Variants in GRID1 observed in about 807,000 individuals in gnomAD.
GRID1 encodes glutamate ionotropic receptor delta type subunit 1.
Under a neutral mutation model 98.0 loss-of-function variants are expected in GRID1, and 28 were observed. The observed-to-expected ratio is 0.29, with a 90% CI of 0.21 to 0.39. GRID1 has a LOEUF of 0.39. Ranked by LOEUF, GRID1 falls within the 10% of genes least tolerant of loss-of-function variation. The pLI is 1.00. For synonymous variants in GRID1, 553 were observed against 538.5 expected (o/e 1.03, Z -0.37); for missense variants, 1,111 against 1,340.5 (o/e 0.83, Z 2.67).
intron 12 of GRID1, among the ~76,000 whole-genome samples, chr10:85,667,774 C>T (rs1429479242): frequency 2.0e-5 from 3 of 152,182 alleles, no homozygotes; most frequent in Non-Finnish European, 4.4e-5. Flanking sequence ...GTGGATGAGT[C>T]CAGCCTGTTC....
chr10:85,985,603 G>A (rs1842599681), intron 4 of GRID1, among the ~76,000 whole-genome samples: 2 of 152,296 alleles, frequency 1.3e-5, no homozygotes, highest in African/African-American at 4.8e-5. Flanking sequence ...TGGGTTCCCA[G>A]GATGGCCTCT....
chr10:86,267,585 T>C (rs759765653), intron 2 of GRID1, among the ~76,000 whole-genome samples: 27 of 152,246 alleles, frequency 1.8e-4, no homozygotes, highest in Non-Finnish European at 3.7e-4. Flanking sequence ...GATAGATGCA[T>C]GCAGGGACGG....
chr10:85,647,929 G>T (rs920801779), intron 12 of GRID1: 3 of 153,066 alleles, frequency 2.0e-5, no homozygotes, highest in Non-Finnish European at 4.4e-5. Context: ...CTGACTCAGG[G>T]TAAATTAAGA....
At chr10:85,766,185 C>T (rs1190263581) in intron 8 of GRID1, among the ~76,000 whole-genome samples, 1 of 152,236 alleles carries the variant, frequency 6.6e-6, no homozygotes, top group Non-Finnish European at 1.5e-5. Context: ...GGAAGGGTTT[C>T]CTTAAATTTG....
intron 13 of GRID1, chr10:85,645,629 T>C (rs1458436289): frequency 6.6e-6 from 1 of 152,058 alleles, no homozygotes; most frequent in African/African-American, 2.4e-5. Context: ...AATCCAAGAG[T>C]TCCCAAACAA....
chr10:85,767,418 C>T (rs12247110), intron 8 of GRID1, among the ~76,000 whole-genome samples: 2,675 of 152,238 alleles, frequency 0.018, 83 homozygotes, highest in Admixed American at 0.073. Context: ...AAGTTCTTTA[C>T]TGAATCATAT....
chr10:86,302,058 A>G (rs1041409050), intron 2 of GRID1, among the ~76,000 whole-genome samples: 4 of 152,042 alleles, frequency 2.6e-5, no homozygotes, highest in African/African-American at 9.7e-5. Flanking sequence ...CCCGCCACCT[A>G]CTTCTGTGCT....
chr10:85,720,110 A>G (rs561813947), intron 12 of GRID1, among the ~76,000 whole-genome samples: 1 of 152,326 alleles, frequency 6.6e-6, no homozygotes, highest in African/African-American at 2.4e-5. Context: ...TGCTTTATCA[A>G]TGTTTTTGAG....
intron 12 of GRID1, among the ~76,000 whole-genome samples, chr10:85,703,310 C>T (rs549216510): frequency 1.3e-5 from 2 of 152,004 alleles, no homozygotes; most frequent in South Asian, 2.1e-4. Flanking sequence ...AAATGAACAG[C>T]GGCTAAATCA....
At chr10:85,960,350 C>G (rs1029567039) in intron 4 of GRID1, among the ~76,000 whole-genome samples, 1 of 152,248 alleles carries the variant, frequency 6.6e-6, no homozygotes, top group African/African-American at 2.4e-5. Flanking sequence ...CATCACTCTG[C>G]CCACACAGAC....
At chr10:86,228,222 C>T (rs1228929438) in intron 2 of GRID1, among the ~76,000 whole-genome samples, 3 of 118,878 alleles carry the variant, frequency 2.5e-5, no homozygotes, top group South Asian at 3.3e-4. Flanking sequence ...AGTAGGTGGC[C>T]GGATGGATGT....
intron 3 of GRID1, among the ~76,000 whole-genome samples, chr10:86,180,893 G>A (rs189519634): frequency 1.9e-3 from 285 of 152,342 alleles, no homozygotes; most frequent in African/African-American, 6.5e-3. Context: ...CAAAGGCTCT[G>A]TAAGGGAACT....
In GRID1 at chr10:86,365,064, A is replaced by C. The variant is rs573472838; in HGVS notation, c.80-968T>G. On this transcript the variant is annotated intron_variant, in intron 1 of 15. Transcript: ENST00000327946. This position sits in a 1 kb window ranked among gnomAD's most constrained non-coding sequence, Gnocchi z 4.8. ...CGGAGCTAGGCCCAGTGATCCCTCG[A>C]GCTGGGGGCTGGGTAGGAGGAGGGA... 2.5e-3 allele frequency among the ~76,000 whole-genome samples: 379 copies of C among 152,080 alleles called. 8 individuals carry two copies. Among genetic ancestry groups the C allele is most frequent in the Middle Eastern group, 0.017 (5 of 294 alleles).
intron 6 of GRID1, among the ~76,000 whole-genome samples, chr10:85,857,963 A>G (rs1243941356): frequency 6.6e-6 from 1 of 152,202 alleles, no homozygotes; most frequent in Non-Finnish European, 1.5e-5. Context: ...CGAACTCTCC[A>G]GCAACTGAAG....
intron 8 of GRID1, among the ~76,000 whole-genome samples, chr10:85,805,846 C>T (rs1487389824): frequency 6.6e-6 from 1 of 151,542 alleles, no homozygotes; most frequent in Non-Finnish European, 1.5e-5. Context: ...CAATCATAGC[C>T]AGAAAAGTAA....
chr10:85,741,906 G>A (rs373250083), intron 8 of GRID1, among the ~76,000 whole-genome samples: 27 of 152,028 alleles, frequency 1.8e-4, no homozygotes, highest in African/African-American at 4.3e-4. Context: ...TATCCTTCAC[G>A]TTCCCAATAA....
At chr10:86,259,326 CCT>C (rs147096411) in intron 2 of GRID1, among the ~76,000 whole-genome samples, 1 of 151,672 alleles carries the variant, frequency 6.6e-6, no homozygotes, top group Non-Finnish European at 1.5e-5. Flanking sequence ...TCTCTCTCTA[CCT>C]CTCTCTCTCT....
chr10:85,770,050 T>C (rs1842241463), intron 8 of GRID1, among the ~76,000 whole-genome samples: 1 of 152,170 alleles, frequency 6.6e-6, no homozygotes. Context: ...CCCTGACCCC[T>C]GAGCAGCCTA....
At chr10:85,617,620 A>T (rs535775807) in intron 14 of GRID1, among the ~76,000 whole-genome samples, 109 of 152,268 alleles carry the variant, frequency 7.2e-4, no homozygotes, top group African/African-American at 2.4e-3. Context: ...GAGGAACTGT[A>T]CCCTACAGGA....
Sources: gnomAD v4.1 joint callset for allele counts (sites outside exome capture counted in the v4.1 genomes callset) on GRCh38, gnomAD v4.1.1 for gene constraint, Gnocchi (gnomAD v3.1) non-coding constraint, MANE v1.5 for transcripts, NCBI Gene and HGNC (gene_info 2026-07-23, HGNC 2026-07-21) for gene names.